Variants in CDC14A observed in about 807,000 individuals in gnomAD.
CDC14A encodes cell division cycle 14A.
A neutral mutation model predicts 74.4 loss-of-function variants in CDC14A; 53 were observed. The observed-to-expected ratio is 0.71, with a 90% CI of 0.57 to 0.89. The LOEUF is 0.89. Among genes scored for constraint, CDC14A ranks in the 40% least tolerant of loss-of-function variants. CDC14A has a pLI of 0.00. For synonymous variants in CDC14A, 247 were observed against 258.4 expected, an observed-to-expected ratio of 0.96 and a Z score of 0.43; for missense variants, 646 against 713.7, an observed-to-expected ratio of 0.91 and a Z score of 1.08.
intron 4 of CDC14A, chr1:100,393,120 C>T: frequency 6.8e-7 from 1 of 1,462,624 alleles, no homozygotes; most frequent in Non-Finnish European, 9.6e-7. Flanking sequence ...GAAAAATAGT[C>T]CGTTCAGTCT....
At chr1:100,477,626 C>A (rs1669048064) in intron 10 of CDC14A, among the ~76,000 whole-genome samples, 1 of 151,858 alleles carries the variant, frequency 6.6e-6, no homozygotes, top group Admixed American at 6.6e-5. Flanking sequence ...AAGAAAAAAA[C>A]AAGGCTTTGA....
intron 13 of CDC14A, among the ~76,000 whole-genome samples, chr1:100,496,521 C>G (rs190601239): frequency 2.0e-5 from 3 of 152,122 alleles, no homozygotes; most frequent in African/African-American, 7.2e-5. Context: ...GGAAAAATGT[C>G]CCCTGAAACC....
chr1:100,374,650 G>A (rs1027887728), intron 2 of CDC14A, among the ~76,000 whole-genome samples: 2 of 152,136 alleles, frequency 1.3e-5, no homozygotes, highest in Admixed American at 6.6e-5. Context: ...TGCCTAATAG[G>A]GATGAAATAT....
chr1:100,393,268 C>G (rs1657961761), intron 4 of CDC14A: 4 of 1,371,182 alleles, frequency 2.9e-6, no homozygotes, highest in Admixed American at 3.4e-5. Context: ...TGTGCATGTT[C>G]AATCATATGA....
intron 1 of CDC14A, 105 bp downstream of exon 1, chr1:100,353,108 C>T (rs990920865): frequency 7.9e-7 from 1 of 1,261,720 alleles, no homozygotes. Flanking sequence ...TGTCCTGCAG[C>T]CGCTGCGCGC....
intron 5 of CDC14A, among the ~76,000 whole-genome samples, chr1:100,435,965 G>A (rs1442130509): frequency 6.6e-6 from 1 of 152,192 alleles, no homozygotes; most frequent in Admixed American, 6.5e-5. Flanking sequence ...TTTGGAGCTA[G>A]TAGGGACCTG....
chr1:100,480,483 C>T (rs1002829255), intron 10 of CDC14A, among the ~76,000 whole-genome samples: 2 of 152,136 alleles, frequency 1.3e-5, no homozygotes, highest in African/African-American at 4.8e-5. Flanking sequence ...ATTTGAATCC[C>T]TAGTTTCAAT....
chr1:100,415,229 G>C (rs1388809302), intron 4 of CDC14A, among the ~76,000 whole-genome samples: 2 of 152,186 alleles, frequency 1.3e-5, no homozygotes, highest in Non-Finnish European at 2.9e-5. Context: ...ATACCCATGA[G>C]AGGGGTGAGA....
intron 3 of CDC14A, among the ~76,000 whole-genome samples, chr1:100,379,895 T>C (rs1256689318): frequency 6.6e-6 from 1 of 151,970 alleles, no homozygotes; most frequent in Non-Finnish European, 1.5e-5. Context: ...AACAAAATCT[T>C]GGGGGAACTA....
intron 11 of CDC14A, chr1:100,484,680 G>C (rs1357796536): frequency 7.2e-6 from 8 of 1,116,866 alleles, no homozygotes; most frequent in Non-Finnish European, 8.7e-6. Flanking sequence ...GGCTACTCTG[G>C]TAAGGGGTAA....
rs528460715 is a variant in CDC14A at position 100,519,447 on chromosome 1, A to G, written c.*1167A>G. ...CCTGTAGGTTTCATTTCTATGAGGA[A>G]TCGAGGAGCGTTACATCCTGATATC... On this transcript the variant is annotated 3_prime_UTR_variant, in exon 16 of 16. Transcript: ENST00000336454. 2 of 152,250 alleles carry G rather than the reference A, an allele frequency of 1.3e-5. No homozygotes were observed. Among genetic ancestry groups the G allele is most frequent in the Admixed American group, 6.5e-5 (1 of 15,282 alleles). The allele number at this position is 152,250 out of a possible 1,614,324, so 9.4% of individuals were successfully genotyped here. A position where few individuals can be genotyped will look rare whatever the true frequency, so the allele number is the denominator to read the frequency against.
chr1:100,397,334 A>G (rs1216539003), intron 4 of CDC14A, among the ~76,000 whole-genome samples: 2 of 152,178 alleles, frequency 1.3e-5, no homozygotes, highest in African/African-American at 4.8e-5. Context: ...CAGATTTAAG[A>G]AGAGACCAGC....
At chr1:100,363,614 C>CTTTTT (rs35415515) in intron 2 of CDC14A, among the ~76,000 whole-genome samples, 4 of 141,744 alleles carry the variant, frequency 2.8e-5, no homozygotes, top group African/African-American at 1.0e-4. Context: ...TTAGACTTCT[C>CTTTTT]TTTTTTTTTT....
Position 100,484,345 on chromosome 1 carries a change from A to G in CDC14A, c.1031A>G (p.Asn344Ser), listed in dbSNP as rs1445338799. 4.4e-6 allele frequency: 7 copies of G among 1,606,056 alleles called. No homozygotes were observed. Among genetic ancestry groups the G allele is most frequent in the Non-Finnish European group, 6.0e-6 (7 of 1,176,290 alleles). Residue 344 changes from asparagine (N) to serine (S), a missense_variant, in exon 11 of 16, where the codon AAT (asparagine) becomes AGT (serine). By Grantham distance (46) the Asn-to-Ser change is conservative. Transcript: ENST00000336454. Reference protein sequence around the residue: ...QGDIFRSKLKNRPSSEGSINK... With the variant: ...QGDIFRSKLKSRPSSEGSINK... ...GACATTTTCCGATCCAAACTGAAAA[A>G]TCGACCATCCAGTGAAGGAAGTATT...
At chr1:100,472,067 A>G (rs1313040025) in intron 10 of CDC14A, among the ~76,000 whole-genome samples, 2 of 152,204 alleles carry the variant, frequency 1.3e-5, no homozygotes, top group Non-Finnish European at 2.9e-5. Context: ...ACATCACATA[A>G]TAATGGGCAC....
chr1:100,471,590 G>A (rs1451360669), intron 10 of CDC14A, among the ~76,000 whole-genome samples: 1 of 152,090 alleles, frequency 6.6e-6, no homozygotes, highest in Non-Finnish European at 1.5e-5. Context: ...CCCAGATATG[G>A]ATTCATTTTA....
At chr1:100,491,558 A>C (rs370589740) in intron 11 of CDC14A, among the ~76,000 whole-genome samples, 32 of 64,656 alleles carry the variant, frequency 4.9e-4, no homozygotes, top group African/African-American at 1.9e-3. Context: ...CTATATATAT[A>C]TATATATATA....
intron 9 of CDC14A, among the ~76,000 whole-genome samples, chr1:100,466,813 T>G (rs1205702708): frequency 1.4e-5 from 2 of 142,772 alleles, no homozygotes; most frequent in Non-Finnish European, 3.0e-5. Context: ...GAGGTTGTGG[T>G]GAGCCGAGAT....
In CDC14A at chr1:100,508,716, G is replaced by A. The variant is rs1225613125; in HGVS notation, c.1755+9454G>A. 6.6e-6 allele frequency among the ~76,000 whole-genome samples: 1 copy of A among 152,100 alleles called. No individual in the cohort carries two copies. Among genetic ancestry groups the A allele is most frequent in the Non-Finnish European group, 1.5e-5 (1 of 68,010 alleles). On this transcript the variant is annotated intron_variant, in intron 15 of 15. Transcript: ENST00000336454. This position sits in a 1 kb window ranked among gnomAD's most constrained non-coding sequence, Gnocchi z 4.4. ...TTTCTCTCAGCCTCCTTCCCCATGT[G>A]GGAGAGCCTGACTCCACCCCTGATT...
Sources: gnomAD v4.1 joint callset for allele counts (sites outside exome capture counted in the v4.1 genomes callset) on GRCh38, gnomAD v4.1.1 for gene constraint, Gnocchi (gnomAD v3.1) non-coding constraint, MANE v1.5 for transcripts, NCBI Gene and HGNC (gene_info 2026-07-23, HGNC 2026-07-21) for gene names.